Variants in USH1C observed in about 807,000 individuals in gnomAD.
USH1C encodes USH1 protein network component harmonin.
In USH1C, 90 loss-of-function variants were observed where a neutral mutation model predicts 119.3. The ratio of observed to expected loss-of-function variants is 0.75; its 90% CI spans 0.64 to 0.90. USH1C has a LOEUF of 0.90. USH1C is among the 40% of genes least tolerant of loss of function. The pLI, the probability that USH1C is intolerant of heterozygous loss-of-function variation, is 0.00. For synonymous variants in USH1C, 465 were observed against 443.3 expected, an observed-to-expected ratio of 1.05 and a Z score of -0.62; for missense variants, 1,165 against 1,167.7, an observed-to-expected ratio of 1.00 and a Z score of 0.03.
intron 23 of USH1C, among the ~76,000 whole-genome samples, chr11:17,500,000 A>G (rs1305802768): frequency 6.6e-6 from 1 of 152,214 alleles, no homozygotes; most frequent in Admixed American, 6.5e-5. Context: ...ATCTCCACAA[A>G]GGGCCACAAA....
In USH1C at chr11:17,522,889, G is replaced by T; in HGVS notation, c.914C>A (p.Ala305Glu). The change falls in exon 12 of 27, where the codon GCA becomes GAA. Residue 305 changes from alanine (A) to glutamate (E), a missense_variant. Transcript: ENST00000005226. ...ELFMTDRERL[A>E]EARQRELQRQ... ...CTGCAGCTCACGCTGCCGCGCCTCTGCCAGCCGCTCCCGGTCTGTCATGAA... is the reference window on the plus strand; with the variant it reads ...CTGCAGCTCACGCTGCCGCGCCTCTTCCAGCCGCTCCCGGTCTGTCATGAA... 6.2e-7 allele frequency: 1 copy of T among 1,611,316 alleles called. No homozygotes were observed. Among genetic ancestry groups the T allele is most frequent in the Non-Finnish European group, 8.5e-7 (1 of 1,179,342 alleles).
intron 9 of USH1C, 31 bp from the exon 10 acceptor site, chr11:17,523,509 T>C (rs1275964607): frequency 1.2e-6 from 2 of 1,611,644 alleles, no homozygotes; most frequent in African/African-American, 2.7e-5. Context: ...GATTAGTGTG[T>C]TTGCGCTATC....
chr11:17,524,314 G>A, intron 9 of USH1C, 137 bp downstream of exon 9: 1 of 903,594 alleles, frequency 1.1e-6, no homozygotes, highest in Non-Finnish European at 1.8e-6. Context: ...TTCTCTGCAG[G>A]GTGGGTAGGG....
chr11:17,526,295 C>A (rs1565056423), intron 8 of USH1C, 52 bp downstream of exon 8: 1 of 1,489,356 alleles, frequency 6.7e-7, no homozygotes. Flanking sequence ...GCAATAGGGG[C>A]CTGCTGGGGT....
intron 8 of USH1C, among the ~76,000 whole-genome samples, chr11:17,525,658 C>T (rs979341142): frequency 1.3e-5 from 2 of 152,156 alleles, no homozygotes; most frequent in Non-Finnish European, 2.9e-5. Flanking sequence ...CCCCGTGTGG[C>T]CCAGTGTCTG....
chr11:17,507,779 G>A (rs1454847883), intron 18 of USH1C, among the ~76,000 whole-genome samples: 1 of 152,074 alleles, frequency 6.6e-6, no homozygotes, highest in African/African-American at 2.4e-5. Flanking sequence ...ACTCCAACTT[G>A]CCATCTTTAT....
Position 17,517,458 on chromosome 11 carries a change from T to C in USH1C, c.1211-1168A>G, listed in dbSNP as rs754264953. The C allele has an allele frequency of 1.6e-5, 25 of 1,594,198 alleles. No homozygotes were observed. In the African/African-American group the frequency reaches 3.2e-4, roughly 21 times the overall value. On this transcript the variant is annotated intron_variant, in intron 14 of 26. Coordinates refer to ENST00000005226, the MANE Select transcript of USH1C (RefSeq NM_153676.4). ...GGTCATCTGCGGGCTCGAGCTCAGG[T>C]TCCACTCCCTGATCATCTACCCAGG... is the stretch of plus-strand genomic sequence containing the variant.
intron 7 of USH1C, 111 bp from the exon 8 acceptor site, chr11:17,526,552 A>G: frequency 8.6e-7 from 1 of 1,157,878 alleles, no homozygotes; most frequent in Non-Finnish European, 1.3e-6. Context: ...CAGCCAGATC[A>G]TCATTCCGTC....
intron 18 of USH1C, 107 bp from the exon 19 acceptor site, chr11:17,506,056 G>A: frequency 1.3e-6 from 2 of 1,537,218 alleles, no homozygotes; most frequent in African/African-American, 1.4e-5. Flanking sequence ...CATATGTGAA[G>A]CCAGCCTGGT....
In USH1C at chr11:17,493,994, A is replaced by C. The variant is rs943633500; in HGVS notation, c.*338T>G. 1.3e-5 allele frequency: 5 copies of C among 392,896 alleles called. No homozygotes were observed. Among genetic ancestry groups the C allele is most frequent in the Non-Finnish European group, 2.4e-5 (5 of 207,554 alleles). 24.3% of individuals were successfully genotyped at this position (392,896 alleles called of 1,614,324 possible). ...AGCAGAGGGCAGAGGAGAGGGATGGAGAGAGAGAGACTCCAGTGGGGTCTT... is the reference window on the plus strand; with the variant it reads ...AGCAGAGGGCAGAGGAGAGGGATGGCGAGAGAGAGACTCCAGTGGGGTCTT... On this transcript the variant is annotated 3_prime_UTR_variant, in exon 27 of 27. Coordinates refer to ENST00000005226, the MANE Select transcript of USH1C (RefSeq NM_153676.4).
intron 14 of USH1C, chr11:17,517,438 T>C (rs1254058662): frequency 6.3e-6 from 10 of 1,596,274 alleles, no homozygotes; most frequent in Non-Finnish European, 7.7e-6. Flanking sequence ...ATCCAGGTCA[T>C]CTGCGGGCTC....
At chr11:17,502,615 G>A in intron 20 of USH1C, among the ~76,000 whole-genome samples, 1 of 152,226 alleles carries the variant, frequency 6.6e-6, no homozygotes, top group East Asian at 1.9e-4. Flanking sequence ...AGCGCAGGTT[G>A]GCCCTTTAGC....
chr11:17,516,195 C>T (rs374785614), intron 15 of USH1C, 46 bp downstream of exon 15: 1 of 1,610,698 alleles, frequency 6.2e-7, no homozygotes, highest in East Asian at 2.2e-5. Flanking sequence ...CCAAAACCCA[C>T]AGCAAACTAA....
At chr11:17,499,091 G>A (rs1226256333) in intron 23 of USH1C, among the ~76,000 whole-genome samples, 2 of 152,230 alleles carry the variant, frequency 1.3e-5, no homozygotes, top group Non-Finnish European at 2.9e-5. Flanking sequence ...AGTCTTGAAT[G>A]TGCTAACATG....
intron 15 of USH1C, among the ~76,000 whole-genome samples, chr11:17,514,046 C>A (rs1166880546): frequency 1.3e-5 from 2 of 152,148 alleles, no homozygotes; most frequent in African/African-American, 4.8e-5. Flanking sequence ...TGGGCTCCTG[C>A]AAGTAGGGCT....
At chr11:17,526,299 C>T in intron 8 of USH1C, 48 bp downstream of exon 8, 1 of 1,519,116 alleles carries the variant, frequency 6.6e-7, no homozygotes, top group Non-Finnish European at 9.1e-7. Flanking sequence ...TAGGGGCCTG[C>T]TGGGGTGCAC....
intron 12 of USH1C, among the ~76,000 whole-genome samples, 160 bp from the exon 13 acceptor site, chr11:17,521,571 A>G (rs1850416194): frequency 6.6e-6 from 1 of 152,190 alleles, no homozygotes; most frequent in Non-Finnish European, 1.5e-5. Flanking sequence ...TATCTAACAA[A>G]GTCTGGACGC....
At chr11:17,530,649 C>A (rs1268749962) in intron 4 of USH1C, among the ~76,000 whole-genome samples, 5 of 152,204 alleles carry the variant, frequency 3.3e-5, no homozygotes, top group Admixed American at 3.3e-4. Context: ...GTACTATCGG[C>A]AACTCATTTT....
Position 17,526,818 on chromosome 11 carries a change from G to C in USH1C, c.522-8C>G. 1.2e-6 allele frequency: 2 copies of C among 1,613,646 alleles called. No homozygotes were observed. The highest frequency in any genetic ancestry group is 1.7e-6 in the Non-Finnish European group (2 of 1,179,872). ...AGGGGCTCATCAGGAGAGCTGATGG[G>C]AAGGGAAAATAGATGGGAGGGTGGT... On this transcript the variant is annotated splice_polypyrimidine_tract_variant and splice_region_variant and intron_variant, in intron 6 of 26. Transcript: ENST00000005226.
Sources: allele counts gnomAD v4.1 joint callset (sites outside exome capture counted in the v4.1 genomes callset), GRCh38; gene constraint gnomAD v4.1.1; transcripts MANE v1.5; gene names NCBI Gene and HGNC (gene_info 2026-07-23, HGNC 2026-07-21).